The following TMEM117 variants were observed in gnomAD, a reference collection of about 807,000 sequenced individuals.
The protein encoded by TMEM117 is transmembrane protein 117.
Under a neutral mutation model 52.4 loss-of-function variants are expected in TMEM117, and 27 were observed. The ratio of observed to expected loss-of-function variants is 0.51; its 90% CI spans 0.38 to 0.71. The LOEUF is 0.71. Among genes scored for constraint, TMEM117 ranks in the 30% least tolerant of loss-of-function variants. The probability of loss-of-function intolerance (pLI) is 0.00; values close to 1 mark genes in which losing one functional copy is unlikely to be tolerated. For synonymous variants in TMEM117, 215 were observed against 206.3 expected, an observed-to-expected ratio of 1.04 and a Z score of -0.36; for missense variants, 556 against 630.5, an observed-to-expected ratio of 0.88 and a Z score of 1.26.
the TMEM117 span, among the ~76,000 whole-genome samples, chr12:43,809,752 CCTT>C: frequency 1.3e-5 from 2 of 152,006 alleles, no homozygotes; most frequent in Non-Finnish European, 2.9e-5. Context: ...GAAAAGTAAC[CCTT>C]TGGGTTATAA....
chr12:44,251,492 C>A (rs1374840717), intron 5 of TMEM117, among the ~76,000 whole-genome samples: 1 of 152,094 alleles, frequency 6.6e-6, no homozygotes, highest in Non-Finnish European at 1.5e-5. Context: ...TGAGAACTGG[C>A]ATTTAATCAT....
chr12:43,863,932 G>A (rs990957297), intron 2 of TMEM117, among the ~76,000 whole-genome samples: 2 of 152,206 alleles, frequency 1.3e-5, no homozygotes, highest in African/African-American at 4.8e-5. Context: ...GGCTGCGCCC[G>A]GCGCTTGCGG....
intron 2 of TMEM117, among the ~76,000 whole-genome samples, chr12:43,865,362 C>T (rs184864687): frequency 2.0e-5 from 3 of 152,076 alleles, no homozygotes; most frequent in East Asian, 1.9e-4. Flanking sequence ...AACAATACAT[C>T]CTTGGGCTAT....
At chr12:43,878,817 T>G (rs1018121677) in intron 2 of TMEM117, among the ~76,000 whole-genome samples, 2 of 152,160 alleles carry the variant, frequency 1.3e-5, no homozygotes, top group African/African-American at 4.8e-5. Context: ...TGGTTATTGC[T>G]CATGGAAAAA....
chr12:43,890,371 A>G (rs1031720341), intron 2 of TMEM117, among the ~76,000 whole-genome samples: 6 of 152,158 alleles, frequency 3.9e-5, no homozygotes, highest in Non-Finnish European at 7.3e-5. Context: ...CACCCCATGC[A>G]GTGTAAAAGT....
chr12:43,835,433 T>C (rs1470195015), upstream of TMEM117, among the ~76,000 whole-genome samples: 1 of 151,962 alleles, frequency 6.6e-6, no homozygotes, highest in Non-Finnish European at 1.5e-5. Context: ...TATGCATGAG[T>C]GTATTTGTGC....
chr12:44,034,597 G>A (rs1348157458), intron 3 of TMEM117, among the ~76,000 whole-genome samples: 1 of 152,194 alleles, frequency 6.6e-6, no homozygotes, highest in East Asian at 1.9e-4. Flanking sequence ...CTTGAATTCA[G>A]AGTGGGCTCA....
At chr12:44,303,705 T>TTA (rs1223805324) in intron 6 of TMEM117, among the ~76,000 whole-genome samples, 4 of 152,180 alleles carry the variant, frequency 2.6e-5, no homozygotes, top group Admixed American at 2.6e-4. Flanking sequence ...GTCATTTGAT[T>TTA]TATATATATC....
the TMEM117 span, chr12:43,804,704 A>G: frequency 3.6e-6 from 2 of 556,680 alleles, no homozygotes; most frequent in Non-Finnish European, 6.4e-6. Flanking sequence ...CAGTATTATA[A>G]AACTTTACCG....
chr12:43,933,203 CT>C (rs777405057), intron 2 of TMEM117, among the ~76,000 whole-genome samples: 228 of 142,356 alleles, frequency 1.6e-3, no homozygotes, highest in Admixed American at 3.0e-3. Flanking sequence ...GTAATATTAA[CT>C]TTTTTTTTTT....
At chr12:44,315,663 G>A (rs1287520545) in intron 6 of TMEM117, among the ~76,000 whole-genome samples, 1 of 152,064 alleles carries the variant, frequency 6.6e-6, no homozygotes, top group Non-Finnish European at 1.5e-5. Context: ...TTGCTTTATG[G>A]CTGAGCACTA....
At chr12:44,034,783 G>T (rs1946684773) in intron 3 of TMEM117, among the ~76,000 whole-genome samples, 1 of 152,158 alleles carries the variant, frequency 6.6e-6, no homozygotes, top group African/African-American at 2.4e-5. Flanking sequence ...AATGGCCATA[G>T]GATGCCCAGA....
At chr12:44,286,945 T>G (rs886532162) in intron 5 of TMEM117, among the ~76,000 whole-genome samples, 2 of 152,218 alleles carry the variant, frequency 1.3e-5, no homozygotes, top group Non-Finnish European at 2.9e-5. Flanking sequence ...TTCTCATCAG[T>G]TCTGTCACTG....
chr12:43,905,878 A>G (rs1297753078), intron 2 of TMEM117, among the ~76,000 whole-genome samples: 2 of 152,194 alleles, frequency 1.3e-5, no homozygotes, highest in Admixed American at 1.3e-4. Flanking sequence ...AGATCACATG[A>G]ATAAATATAG....
chr12:44,247,543 T>C (rs1186627431), intron 5 of TMEM117, among the ~76,000 whole-genome samples: 1 of 152,238 alleles, frequency 6.6e-6, no homozygotes, highest in Non-Finnish European at 1.5e-5. Flanking sequence ...ACCATATCCA[T>C]CACTTTAAAC....
chr12:44,160,243 G>T (rs936360269), intron 4 of TMEM117, among the ~76,000 whole-genome samples: 3 of 151,806 alleles, frequency 2.0e-5, no homozygotes, highest in African/African-American at 4.8e-5. Flanking sequence ...AAATTATTTT[G>T]TTCATGCATT....
At chr12:44,159,427 G>C (rs1036617102) in intron 4 of TMEM117, among the ~76,000 whole-genome samples, 1 of 151,940 alleles carries the variant, frequency 6.6e-6, no homozygotes, top group Non-Finnish European at 1.5e-5. Flanking sequence ...ACTGCAGATG[G>C]TTTAGTTTTC....
At chr12:44,116,944 C>A (rs571127978) in intron 3 of TMEM117, among the ~76,000 whole-genome samples, 2 of 152,298 alleles carry the variant, frequency 1.3e-5, no homozygotes, top group African/African-American at 4.8e-5. Context: ...CCTTATGAAT[C>A]TCCATGTTGT....
At chr12:43,922,785 TTCTCACCAC>T (rs1314906216) in intron 2 of TMEM117, among the ~76,000 whole-genome samples, 2 of 152,188 alleles carry the variant, frequency 1.3e-5, no homozygotes, top group African/African-American at 4.8e-5. Flanking sequence ...TATTTGTTTC[TTCTCACCAC>T]TGATGTTTTT....
Sources: allele counts gnomAD v4.1 joint callset (sites outside exome capture counted in the v4.1 genomes callset), GRCh38; gene constraint gnomAD v4.1.1; transcripts MANE v1.5; gene names NCBI Gene and HGNC (gene_info 2026-07-23, HGNC 2026-07-21).